The following DOK5 variants were observed in gnomAD, a reference collection of about 807,000 sequenced individuals.
DOK5 encodes docking protein 5.
DOK5 carries 27 observed loss-of-function variants against 43.3 expected under a neutral mutation model. The observed-to-expected ratio is 0.62, with a 90% confidence interval of 0.46 to 0.86. The LOEUF (loss-of-function observed/expected upper bound fraction) is 0.86. Ranked by LOEUF, DOK5 falls within the 40% of genes least tolerant of loss-of-function variation. The probability of loss-of-function intolerance (pLI) is 0.00; values close to 1 mark genes in which losing one functional copy is unlikely to be tolerated. For synonymous variants in DOK5, 146 were observed against 140.1 expected (o/e 1.04, Z -0.30); for missense variants, 373 against 392.9 (o/e 0.95, Z 0.43).
At chr20:54,485,142 C>G (rs1600652808) in intron 1 of DOK5, among the ~76,000 whole-genome samples, 2 of 152,252 alleles carry the variant, frequency 1.3e-5, no homozygotes, top group East Asian at 3.9e-4. Context: ...CCAGCCTGAT[C>G]AACATGGTGA....
chr20:54,580,849 T>C (rs1220940763), intron 2 of DOK5, among the ~76,000 whole-genome samples: 2 of 152,262 alleles, frequency 1.3e-5, no homozygotes, highest in East Asian at 3.9e-4. Context: ...CTGTTGATTG[T>C]TTCTTTTCTA....
chr20:54,492,869 C>T (rs1036135892), intron 1 of DOK5, among the ~76,000 whole-genome samples: 1 of 151,902 alleles, frequency 6.6e-6, no homozygotes, highest in Non-Finnish European at 1.5e-5. Context: ...GCCTGGCTAA[C>T]ATAGTGAAAC....
At chr20:54,609,476 A>G (rs1454057323) in intron 5 of DOK5, among the ~76,000 whole-genome samples, 2 of 151,954 alleles carry the variant, frequency 1.3e-5, no homozygotes, top group Non-Finnish European at 2.9e-5. Context: ...AATTAAATAT[A>G]TCTTAGTGTA....
At chr20:54,632,227 T>C (rs1176052031) in intron 6 of DOK5, among the ~76,000 whole-genome samples, 1 of 152,190 alleles carries the variant, frequency 6.6e-6, no homozygotes, top group Non-Finnish European at 1.5e-5. Context: ...GGATTCATTG[T>C]ACACTCACTG....
rs563816371 is a variant in DOK5, at chr20:54,641,421, G to A, written c.736-2037G>A. Among the ~76,000 whole-genome samples the A allele has an allele frequency of 3.3e-5, 5 of 152,042 alleles. No individual in the cohort carries two copies. In the South Asian group the frequency reaches 8.3e-4, roughly 25 times the overall value. ...CCTCCTATTATTTTGGCTTTACTGA[G>A]TGAATTATGCCTGAAACTACCATGC... is the stretch of plus-strand genomic sequence containing the variant. On this transcript the variant is annotated intron_variant, in intron 6 of 7. Transcript: ENST00000262593.
chr20:54,630,951 A>G (rs1978536264), intron 6 of DOK5, among the ~76,000 whole-genome samples: 1 of 152,214 alleles, frequency 6.6e-6, no homozygotes, highest in East Asian at 1.9e-4. Flanking sequence ...AAAAAAAAAT[A>G]TTACAGAGGA....
At chr20:54,611,510 G>A (rs1305944337) in intron 6 of DOK5, among the ~76,000 whole-genome samples, 2 of 152,036 alleles carry the variant, frequency 1.3e-5, no homozygotes, top group African/African-American at 2.4e-5. Context: ...ACAGTGAGCC[G>A]AGTTTGTGCC....
intron 1 of DOK5, among the ~76,000 whole-genome samples, chr20:54,519,598 A>C (rs970430505): frequency 6.6e-6 from 1 of 152,222 alleles, no homozygotes; most frequent in African/African-American, 2.4e-5. Context: ...AAGTTTGAGT[A>C]AGGCTTATAT....
At chr20:54,624,798 A>G (rs1279169585) in intron 6 of DOK5, among the ~76,000 whole-genome samples, 2 of 152,220 alleles carry the variant, frequency 1.3e-5, no homozygotes, top group Non-Finnish European at 2.9e-5. Flanking sequence ...GAAAATAACC[A>G]TTTGAGTGCA....
At chr20:54,525,333 G>T (rs1007568610) in intron 1 of DOK5, among the ~76,000 whole-genome samples, 4 of 152,078 alleles carry the variant, frequency 2.6e-5, no homozygotes, top group African/African-American at 9.7e-5. Flanking sequence ...ATTCCCTTTT[G>T]GACTTGAACA....
rs547792045 is a variant in DOK5, at chr20:54,488,811, T to C, written c.66+12799T>C. Among the ~76,000 whole-genome samples the C allele has an allele frequency of 7.4e-5, 10 of 134,230 alleles. No homozygotes were observed. The South Asian group carries it at 2.7e-3, about 37-fold the overall frequency. 88.1% of individuals were successfully genotyped at this position (134,230 alleles called of 152,430 possible). The stretch of plus-strand genomic sequence containing the variant: ...CTCCCTCCCTTCCTACCTTCCTTCC[T>C]TCCTTCCTTTTATTATTAAATATGT... On this transcript the variant is annotated intron_variant, in intron 1 of 7. Transcript: ENST00000262593.
At chr20:54,650,049 A>G (rs1979626959) in intron 7 of DOK5, among the ~76,000 whole-genome samples, 1 of 152,250 alleles carries the variant, frequency 6.6e-6, no homozygotes, top group African/African-American at 2.4e-5. Context: ...TTACCAAAGT[A>G]TAAGCATAAG....
At chr20:54,521,810 T>C (rs1453015960) in intron 1 of DOK5, among the ~76,000 whole-genome samples, 31 of 152,146 alleles carry the variant, frequency 2.0e-4, no homozygotes, top group Admixed American at 2.0e-3. Context: ...GAGAGTCACC[T>C]CATTATCATA....
chr20:54,558,869 T>C (rs961390087), intron 2 of DOK5, among the ~76,000 whole-genome samples: 7 of 152,162 alleles, frequency 4.6e-5, no homozygotes, highest in Non-Finnish European at 1.0e-4. Context: ...AAGAAAAAGA[T>C]TGTAGAATTT....
chr20:54,476,703 G>C (rs185965059), intron 1 of DOK5, among the ~76,000 whole-genome samples: 281 of 152,280 alleles, frequency 1.8e-3, no homozygotes, highest in Non-Finnish European at 3.2e-3. Flanking sequence ...TAGCGCAAGT[G>C]CTCCCTACAT....
At position 54,650,567 on chromosome 20, in the gene DOK5, A is replaced by G. The variant is rs2146839756; in HGVS notation, c.*88A>G. On this transcript the variant is annotated 3_prime_UTR_variant, in exon 8 of 8. Coordinates refer to ENST00000262593, the MANE Select transcript of DOK5 (RefSeq NM_018431.5). Reference sequence around the variant, plus strand: ...TCACAGAATGACAGCAAGGGAAATGACGACCAAGAGAAGAAGCTTAAAGTC... The same window carrying G: ...TCACAGAATGACAGCAAGGGAAATGGCGACCAAGAGAAGAAGCTTAAAGTC... 5.4e-6 allele frequency: 7 copies of G among 1,300,900 alleles called. No homozygotes were observed. Among genetic ancestry groups the G allele is most frequent in the East Asian group, 4.7e-5 (2 of 42,682 alleles). 80.6% of individuals were successfully genotyped at this position (1,300,900 alleles called of 1,614,324 possible). A position where few individuals can be genotyped will look rare whatever the true frequency, so the allele number is the denominator to read the frequency against.
At chr20:54,625,995 G>T (rs923880726) in intron 6 of DOK5, among the ~76,000 whole-genome samples, 2 of 152,234 alleles carry the variant, frequency 1.3e-5, no homozygotes, top group Non-Finnish European at 2.9e-5. Context: ...TGCGAGGAGG[G>T]TCTTCTCTCC....
In DOK5 at chr20:54,648,403, T is replaced by C. The variant is rs112349159; in HGVS notation, c.857-2012T>C. ...ACAGTGGAAAAGAAAGTTTTTATGA[T>C]AAAGAAAGTGAGGCAGAGCTGTTGG... On this transcript the variant is annotated intron_variant, in intron 7 of 7. Coordinates refer to ENST00000262593, the MANE Select transcript of DOK5 (RefSeq NM_018431.5). Among the ~76,000 whole-genome samples the C allele has an allele frequency of 1.1e-4, 16 of 152,218 alleles. 1 individual carries two copies. The highest frequency in any genetic ancestry group is 3.9e-4 in the African/African-American group (16 of 41,542).
At chr20:54,578,036 T>C (rs13040999) in intron 2 of DOK5, among the ~76,000 whole-genome samples, 27,962 of 152,102 alleles carry the variant, frequency 0.18, 2,811 homozygotes, top group African/African-American at 0.23. Context: ...GATTTACATA[T>C]CCCCAAATCC....
Sources: allele counts gnomAD v4.1 joint callset (sites outside exome capture counted in the v4.1 genomes callset), GRCh38; gene constraint gnomAD v4.1.1; transcripts MANE v1.5; gene names NCBI Gene and HGNC (gene_info 2026-07-23, HGNC 2026-07-21).